The following ATG10 variants were observed in gnomAD, a reference collection of about 807,000 sequenced individuals.
ATG10 encodes ubiquitin-like-conjugating enzyme ATG10.
ATG10 carries 30 observed loss-of-function variants against 32.1 expected under a neutral mutation model. The observed-to-expected ratio is 0.94, with a 90% CI of 0.70 to 1.27. ATG10 has a LOEUF of 1.27. Among genes scored for constraint, ATG10 ranks in the 50% most tolerant of loss-of-function variants. The pLI, the probability that ATG10 is intolerant of heterozygous loss-of-function variation, is 0.00. For synonymous variants in ATG10, 87 were observed against 91.5 expected, an observed-to-expected ratio of 0.95 and a Z score of 0.28; for missense variants, 233 against 262.3, an observed-to-expected ratio of 0.89 and a Z score of 0.77.
At chr5:82,244,985 A>T (rs961307189) in intron 5 of ATG10, among the ~76,000 whole-genome samples, 3 of 152,186 alleles carry the variant, frequency 2.0e-5, no homozygotes, top group African/African-American at 7.2e-5. Flanking sequence ...AACACAGTTC[A>T]TTGCCTGTGT....
intron 5 of ATG10, among the ~76,000 whole-genome samples, chr5:82,234,990 G>T (rs999320031): frequency 6.6e-6 from 1 of 152,004 alleles, no homozygotes; most frequent in African/African-American, 2.4e-5. Flanking sequence ...CTTTAATTAC[G>T]CCCATCAGTT....
At chr5:82,109,291 G>A (rs1161458745) in intron 3 of ATG10, among the ~76,000 whole-genome samples, 1 of 152,012 alleles carries the variant, frequency 6.6e-6, no homozygotes, top group Non-Finnish European at 1.5e-5. Context: ...GACAGTATGG[G>A]AACTGAGGAG....
At chr5:82,247,173 T>G (rs547187625) in intron 5 of ATG10, among the ~76,000 whole-genome samples, 122 of 152,330 alleles carry the variant, frequency 8.0e-4, no homozygotes, top group Admixed American at 1.3e-3. Flanking sequence ...ATCTGTAGAT[T>G]AATGTATTTC....
chr5:82,165,783 G>C (rs1185390914), intron 4 of ATG10, among the ~76,000 whole-genome samples: 2 of 152,160 alleles, frequency 1.3e-5, no homozygotes, highest in Non-Finnish European at 2.9e-5. Flanking sequence ...CTAAAAAGTA[G>C]GAGATATATT....
At chr5:82,030,751 T>C (rs768030535) in intron 2 of ATG10, among the ~76,000 whole-genome samples, 20 of 152,342 alleles carry the variant, frequency 1.3e-4, no homozygotes, top group Admixed American at 1.3e-3. Context: ...CTAAATTCTA[T>C]ATAATCCCTA....
At chr5:82,058,324 G>A (rs1313787923) in intron 2 of ATG10, among the ~76,000 whole-genome samples, 171 bp from the exon 3 acceptor site, 2 of 152,128 alleles carry the variant, frequency 1.3e-5, no homozygotes, top group Non-Finnish European at 2.9e-5. Flanking sequence ...TGCATTTATT[G>A]AGTACTTACT....
In ATG10 at chr5:82,191,859, T is replaced by C. The variant is rs149981455; in HGVS notation, c.453+13272T>C. Among the ~76,000 whole-genome samples, 382 of 152,310 alleles carry C rather than the reference T, an allele frequency of 2.5e-3. 1 individual carries two copies. The highest frequency in any genetic ancestry group is 8.6e-3 in the African/African-American group (357 of 41,572). On this transcript the variant is annotated intron_variant, in intron 5 of 7. Coordinates refer to ENST00000282185, the MANE Select transcript of ATG10 (RefSeq NM_031482.5). ...GGACTCGTCAGGACATCCAAATCCT[T>C]GGAACTTGTAATAGCTGTAGTGGAT...
chr5:82,020,073 C>T (rs1019857138), intron 2 of ATG10, among the ~76,000 whole-genome samples: 1 of 152,158 alleles, frequency 6.6e-6, no homozygotes, highest in Non-Finnish European at 1.5e-5. Flanking sequence ...GTGTCTGCCA[C>T]GTGGAGAGAT....
intron 2 of ATG10, among the ~76,000 whole-genome samples, chr5:82,019,890 C>T (rs879798341): frequency 6.6e-6 from 1 of 152,152 alleles, no homozygotes; most frequent in Non-Finnish European, 1.5e-5. Flanking sequence ...CAGGCTTGAC[C>T]TATTTTATCT....
intron 3 of ATG10, among the ~76,000 whole-genome samples, chr5:82,087,375 G>T (rs1426287695): frequency 6.6e-6 from 1 of 151,958 alleles, no homozygotes; most frequent in Non-Finnish European, 1.5e-5. Flanking sequence ...ATTATTAATT[G>T]GGCTTAGGGG....
chr5:81,972,988 CATG>C (rs1279182435), intron 1 of ATG10, among the ~76,000 whole-genome samples: 3 of 151,990 alleles, frequency 2.0e-5, no homozygotes, highest in Non-Finnish European at 4.4e-5. Flanking sequence ...TTTTGTTTGG[CATG>C]ATGATATTGA....
chr5:81,987,789 G>GCAATACAAAAACTAA, intron 2 of ATG10, 111 bp downstream of exon 2: 1 of 742,288 alleles, frequency 1.3e-6, no homozygotes, highest in Admixed American at 2.9e-5. Context: ...TATGAAAACT[G>GCAATACAAAAACTAA]GTTTGATTTA....
chr5:82,107,017 C>T (rs1765464478), intron 3 of ATG10, among the ~76,000 whole-genome samples: 1 of 152,018 alleles, frequency 6.6e-6, no homozygotes, highest in Admixed American at 6.6e-5. Flanking sequence ...GTGTTCCTCT[C>T]TCTGGCTTCC....
intron 3 of ATG10, among the ~76,000 whole-genome samples, chr5:82,092,431 T>C (rs1405794469): frequency 1.3e-5 from 2 of 152,160 alleles, no homozygotes; most frequent in Non-Finnish European, 2.9e-5. Flanking sequence ...TAACAAACCA[T>C]CTCAAAGCTT....
At chr5:82,041,706 G>T (rs1319793965) in intron 2 of ATG10, among the ~76,000 whole-genome samples, 1 of 151,998 alleles carries the variant, frequency 6.6e-6, no homozygotes, top group Non-Finnish European at 1.5e-5. Context: ...TGTGCTTAAA[G>T]TTTGATAAAA....
chr5:82,195,234 C>A (rs868083667), intron 5 of ATG10, among the ~76,000 whole-genome samples: 4 of 152,168 alleles, frequency 2.6e-5, no homozygotes, highest in South Asian at 4.1e-4. Flanking sequence ...TTCCTCCTGT[C>A]TTTTTCTGGC....
At chr5:82,146,976 G>T (rs1767383626) in intron 3 of ATG10, among the ~76,000 whole-genome samples, 1 of 152,014 alleles carries the variant, frequency 6.6e-6, no homozygotes, top group Non-Finnish European at 1.5e-5. Context: ...TTTCTATGTT[G>T]GGTAATTCTT....
In ATG10 at chr5:82,046,958, AG is replaced by A. The variant is rs1192303512; in HGVS notation, c.109-11535del. Among the ~76,000 whole-genome samples the A allele has an allele frequency of 3.3e-5, 5 of 152,126 alleles. No homozygotes were observed. The South Asian group carries it at 1.0e-3, about 32-fold the overall frequency. ...TTAAATCCAGAAATCAAGATGAAGAAGGCCAACATTTAGGTCATCTGTGTTT... is the reference window on the plus strand; with the variant it reads ...TTAAATCCAGAAATCAAGATGAAGAAGCCAACATTTAGGTCATCTGTGTTT... On this transcript the variant is annotated intron_variant, in intron 2 of 7. Coordinates refer to ENST00000282185, the MANE Select transcript of ATG10 (RefSeq NM_031482.5).
At chr5:82,070,928 C>A (rs777375501) in intron 3 of ATG10, among the ~76,000 whole-genome samples, 2 of 152,152 alleles carry the variant, frequency 1.3e-5, no homozygotes, top group Non-Finnish European at 2.9e-5. Flanking sequence ...ATCACCACAT[C>A]TAATGGCTTC....
Sources: allele counts gnomAD v4.1 joint callset (sites outside exome capture counted in the v4.1 genomes callset), GRCh38; gene constraint gnomAD v4.1.1; transcripts MANE v1.5; gene names NCBI Gene and HGNC (gene_info 2026-07-23, HGNC 2026-07-21).